Variants in HELZ observed in about 807,000 individuals in gnomAD.
HELZ encodes ATP-dependent RNA helicase with zinc finger domain.
A neutral mutation model predicts 218.2 loss-of-function variants in HELZ; 23 were observed. The observed-to-expected ratio is 0.11, with a 90% CI of 0.08 to 0.15. HELZ has a LOEUF of 0.15. Among genes scored for constraint, HELZ ranks in the 10% least tolerant of loss-of-function variants. HELZ has a pLI of 1.00. For missense variants in HELZ, 1,813 were observed against 2,353.7 expected (o/e 0.77, Z 4.75); for synonymous variants, 814 against 829.4 (o/e 0.98, Z 0.32).
At position 67,190,138 on chromosome 17, in the gene HELZ, T is replaced by C. The variant is rs761431283; in HGVS notation, c.756+19A>G. On this transcript the variant is annotated intron_variant, in intron 10 of 32. Transcript: ENST00000358691. ...ATTGTTTAAGACAAACAAAAAATAATGTAGCTTATTTTCCTCACCACTTTC... is the reference window on the plus strand; with the variant it reads ...ATTGTTTAAGACAAACAAAAAATAACGTAGCTTATTTTCCTCACCACTTTC... The C allele has an allele frequency of 3.8e-6, 6 of 1,597,000 alleles. No homozygotes were observed. In the Admixed American group the frequency reaches 1.0e-4, roughly 27 times the overall value.
At chr17:67,169,277 C>T (rs1383642862) in intron 13 of HELZ, among the ~76,000 whole-genome samples, 2 of 152,098 alleles carry the variant, frequency 1.3e-5, no homozygotes, top group Non-Finnish European at 2.9e-5. Flanking sequence ...AACAGAATAC[C>T]TGAGACTGGA....
Position 67,172,261 on chromosome 17 carries a change from G to C in HELZ, c.1431-4465C>G, listed in dbSNP as rs929334243. On this transcript the variant is annotated intron_variant, in intron 13 of 32. Transcript: ENST00000358691. Reference sequence around the variant, plus strand: ...CTTTTCTCCACTAAGATGAGAAAGTGCCTCTTCCATGGGGCCCTTGTGCAT... The same window carrying C: ...CTTTTCTCCACTAAGATGAGAAAGTCCCTCTTCCATGGGGCCCTTGTGCAT... Among the ~76,000 whole-genome samples, 3 of 152,268 alleles carry C rather than the reference G, an allele frequency of 2.0e-5. No homozygotes were observed. In the East Asian group the frequency reaches 5.8e-4, roughly 29 times the overall value.
At chr17:67,102,891 C>CA (rs1389501799) in intron 31 of HELZ, among the ~76,000 whole-genome samples, 2 of 152,080 alleles carry the variant, frequency 1.3e-5, no homozygotes, top group Non-Finnish European at 2.9e-5. Flanking sequence ...TATTCACACA[C>CA]AAACAAAGAT....
intron 24 of HELZ, 122 bp from the exon 25 acceptor site, chr17:67,124,136 A>G (rs1190520355): frequency 6.2e-6 from 4 of 647,834 alleles, no homozygotes; most frequent in Non-Finnish European, 1.1e-5. Flanking sequence ...AAAAACTGTG[A>G]GTCTATAATT....
intron 5 of HELZ, among the ~76,000 whole-genome samples, chr17:67,214,818 G>A (rs1207679038): frequency 6.6e-6 from 1 of 152,020 alleles, no homozygotes; most frequent in Non-Finnish European, 1.5e-5. Flanking sequence ...ATCAGTACTC[G>A]AAGAGCAAGA....
chr17:67,121,568 T>G (rs911125669), intron 26 of HELZ, among the ~76,000 whole-genome samples: 1 of 152,234 alleles, frequency 6.6e-6, no homozygotes, highest in Non-Finnish European at 1.5e-5. Flanking sequence ...TTTCCCATTC[T>G]GGAGTGTGGG....
At chr17:67,149,778 A>T in intron 19 of HELZ, 89 bp downstream of exon 19, 1 of 690,998 alleles carries the variant, frequency 1.4e-6, no homozygotes, top group Non-Finnish European at 2.5e-6. Context: ...TGCATGGCAT[A>T]ATGTCATAGG....
intron 28 of HELZ, among the ~76,000 whole-genome samples, chr17:67,112,063 T>C (rs1010358862): frequency 3.3e-5 from 5 of 152,190 alleles, no homozygotes; most frequent in Non-Finnish European, 4.4e-5. Context: ...AATACTACAA[T>C]TGGCTCCCTA....
chr17:67,119,208 A>G (rs2143814571), intron 27 of HELZ, among the ~76,000 whole-genome samples: 1 of 152,348 alleles, frequency 6.6e-6, no homozygotes. Flanking sequence ...TGTTCACAGC[A>G]GCTCTATTCA....
intron 31 of HELZ, among the ~76,000 whole-genome samples, chr17:67,104,503 G>T (rs1352645241): frequency 6.6e-6 from 1 of 151,056 alleles, no homozygotes; most frequent in Admixed American, 6.6e-5. Flanking sequence ...CTTGGATTAG[G>T]CCAGGGTTTC....
intron 28 of HELZ, among the ~76,000 whole-genome samples, chr17:67,112,456 T>G (rs1341227659): frequency 6.6e-6 from 1 of 152,310 alleles, no homozygotes; most frequent in East Asian, 1.9e-4. Context: ...TCGTTCTCTC[T>G]CTGCACCACT....
intron 13 of HELZ, among the ~76,000 whole-genome samples, chr17:67,177,022 CCAAG>C (rs2039479815): frequency 6.6e-6 from 1 of 151,418 alleles, no homozygotes; most frequent in African/African-American, 2.4e-5. Flanking sequence ...TTTCTCTCAC[CCAAG>C]CAGTGATGTA....
At chr17:67,224,105 A>C (rs1012619807) in intron 3 of HELZ, among the ~76,000 whole-genome samples, 1 of 152,146 alleles carries the variant, frequency 6.6e-6, no homozygotes, top group Non-Finnish European at 1.5e-5. Context: ...GTGGCATGTG[A>C]CACTAACTGG....
rs71368808 is a variant in HELZ at position 67,238,349 on chromosome 17, C to CAAA, written c.-19+1081_-19+1083dup. Among the ~76,000 whole-genome samples, 7 of 46,908 alleles carry CAAA rather than the reference C, an allele frequency of 1.5e-4. No homozygotes were observed. The South Asian group carries it at 2.1e-3, about 14-fold the overall frequency. The allele number at this position is 46,908 out of a possible 152,430, so 30.8% of individuals were successfully genotyped here. A position where few individuals can be genotyped will look rare whatever the true frequency, so the allele number is the denominator to read the frequency against. ...GCGACACTGCCAAGACTCTGTCTCT[C>CAAA]AAAAAAAAAAAAAAAAAAAAAGGAA... On this transcript the variant is annotated intron_variant, in intron 3 of 32. Transcript: ENST00000358691.
chr17:67,136,254 A>G (rs757896699), intron 22 of HELZ, 56 bp from the exon 23 acceptor site: 22 of 1,150,208 alleles, frequency 1.9e-5, no homozygotes, highest in Non-Finnish European at 2.6e-5. Context: ...AACCACTGAT[A>G]TAATAAAAGC....
At chr17:67,243,734 A>G (rs117869037) in intron 2 of HELZ, 50 bp downstream of exon 2, 571 of 152,488 alleles carry the variant, frequency 3.7e-3, no homozygotes, top group Non-Finnish European at 6.5e-3. Context: ...TTACCAGTTG[A>G]TTAAAATAAA....
At chr17:67,191,091 G>C (rs2039883764) in intron 9 of HELZ, among the ~76,000 whole-genome samples, 1 of 147,686 alleles carries the variant, frequency 6.8e-6, no homozygotes, top group Admixed American at 6.6e-5. Flanking sequence ...AAAATGATAA[G>C]GACCTTAAAA....
At chr17:67,240,532 C>T (rs1207710309) in intron 2 of HELZ, among the ~76,000 whole-genome samples, 2 of 152,124 alleles carry the variant, frequency 1.3e-5, no homozygotes, top group Non-Finnish European at 1.5e-5. Flanking sequence ...ACAGGAAGCT[C>T]GCATTATAGG....
At chr17:67,211,362 T>C (rs1046255479) in intron 5 of HELZ, among the ~76,000 whole-genome samples, 1 of 152,216 alleles carries the variant, frequency 6.6e-6, no homozygotes, top group African/African-American at 2.4e-5. Flanking sequence ...ATTGTGGTTA[T>C]GCAGTCTTGA....
Sources: gnomAD v4.1 joint callset for allele counts (sites outside exome capture counted in the v4.1 genomes callset) on GRCh38, gnomAD v4.1.1 for gene constraint, MANE v1.5 for transcripts, NCBI Gene and HGNC (gene_info 2026-07-23, HGNC 2026-07-21) for gene names.